Variants in JUP observed in about 807,000 individuals in gnomAD.
JUP encodes junction plakoglobin, also known as catenin (cadherin-associated protein), gamma 80kDa.
Under a neutral mutation model 71.1 loss-of-function variants are expected in JUP, and 28 were observed. That is an observed-to-expected ratio of 0.39 (90% CI 0.29 to 0.54). The LOEUF (loss-of-function observed/expected upper bound fraction) is 0.54, where lower values mean the gene tolerates loss of function less well. Among genes scored for constraint, JUP ranks in the 20% least tolerant of loss-of-function variants. The probability of loss-of-function intolerance (pLI) is 0.62; values close to 1 mark genes in which losing one functional copy is unlikely to be tolerated. For synonymous variants in JUP, 401 were observed against 438.9 expected, an observed-to-expected ratio of 0.91 and a Z score of 1.08; for missense variants, 869 against 1,030.1, an observed-to-expected ratio of 0.84 and a Z score of 2.14.
At chr17:41,757,088 G>A (rs1452090030) in intron 12 of JUP, among the ~76,000 whole-genome samples, 4 of 152,072 alleles carry the variant, frequency 2.6e-5, no homozygotes, top group African/African-American at 9.7e-5. Context: ...CAGCTCAGGG[G>A]AGGAGGCAGA....
chr17:41,784,765 G>A (rs1189928363), intron 1 of JUP, among the ~76,000 whole-genome samples: 2 of 152,032 alleles, frequency 1.3e-5, no homozygotes, highest in Admixed American at 6.6e-5. Context: ...AACAAAGAAA[G>A]AGGTGGTAGA....
intron 8 of JUP, among the ~76,000 whole-genome samples, chr17:41,760,596 C>CT (rs1452787087): frequency 6.6e-6 from 1 of 151,574 alleles, no homozygotes; most frequent in Non-Finnish European, 1.5e-5. Context: ...GAGTCTCTCT[C>CT]TGTCACCCAG....
At position 41,762,207 on chromosome 17, in the gene JUP, T is replaced by G. The variant is rs1453298975; in HGVS notation, c.1497+776A>C. The stretch of plus-strand genomic sequence containing the variant: ...TGTGTGTGTGTGTGTGTGTGTGTGT[T>G]TTAGATTGTTTATTTGTTTGGGCTT... On this transcript the variant is annotated intron_variant, in intron 8 of 13. Transcript: ENST00000393931. Among the ~76,000 whole-genome samples, 344 of 86,462 alleles carry G rather than the reference T, an allele frequency of 4.0e-3. 2 individuals are homozygous for G. Among genetic ancestry groups the G allele is most frequent in the African/African-American group, 0.016 (293 of 18,444 alleles). 56.7% of individuals were successfully genotyped at this position (86,462 alleles called of 152,430 possible).
At chr17:41,776,733 G>A (rs970083710) in intron 1 of JUP, among the ~76,000 whole-genome samples, 5 of 152,138 alleles carry the variant, frequency 3.3e-5, no homozygotes, top group East Asian at 1.9e-4. Flanking sequence ...GGGGCCAGGC[G>A]CGGTGGCTCA....
chr17:41,778,082 G>C (rs1386352804), intron 1 of JUP, among the ~76,000 whole-genome samples: 1 of 152,208 alleles, frequency 6.6e-6, no homozygotes, highest in Non-Finnish European at 1.5e-5. Flanking sequence ...AGTGGGGCTT[G>C]GGCAGCCTGG....
chr17:41,771,171 A>G (rs552432793), intron 2 of JUP, among the ~76,000 whole-genome samples: 4 of 152,318 alleles, frequency 2.6e-5, no homozygotes, highest in Admixed American at 2.0e-4. Context: ...CTGGGACTAC[A>G]GGTGCATGCG....
chr17:41,756,278 G>A, intron 12 of JUP, 64 bp from the exon 13 acceptor site: 1 of 1,524,308 alleles, frequency 6.6e-7, no homozygotes, highest in Middle Eastern at 1.8e-4. Context: ...CTGGATCTCA[G>A]CTGGTGGGCA....
chr17:41,773,970 A>C (rs1237857102), intron 1 of JUP, among the ~76,000 whole-genome samples: 1 of 152,212 alleles, frequency 6.6e-6, no homozygotes, highest in African/African-American at 2.4e-5. Context: ...TGGTCAACAA[A>C]CACACTGCAT....
Position 41,765,234 on chromosome 17 carries a change from C to A in JUP, c.910-167G>T, listed in dbSNP as rs573144853. Among the ~76,000 whole-genome samples the A allele has an allele frequency of 2.0e-5, 3 of 152,214 alleles. No homozygotes were observed. In the South Asian group the frequency reaches 6.2e-4, roughly 32 times the overall value. ...TCTTTTTATAAAGATGGGGGTCTCA[C>A]TATGCTGCCCAGGCTGGTCTAGAAC... is the stretch of plus-strand genomic sequence containing the variant. On this transcript the variant is annotated intron_variant, in intron 5 of 13. Coordinates refer to ENST00000393931, the MANE Select transcript of JUP (RefSeq NM_002230.4).
rs1466198019 is a variant in JUP, at chr17:41,771,679, G to T, written c.176C>A (p.Thr59Asn). ...GGGGGGCACCCCCTGGGTGTAAGTGGTGGTTTTCTTGAGCGTGTACTGGCG... is the reference window on the plus strand; with the variant it reads ...GGGGGGCACCCCCTGGGTGTAAGTGTTGGTTTTCTTGAGCGTGTACTGGCG... ...CGRQYTLKKTTTYTQGVPPSQ... is the reference protein window; with the variant it reads ...CGRQYTLKKTNTYTQGVPPSQ... Residue 59 changes from threonine (T) to asparagine (N), a missense_variant, in exon 2 of 14, where the codon ACC (threonine) becomes AAC (asparagine). Coordinates refer to ENST00000393931, the MANE Select transcript of JUP (RefSeq NM_002230.4). 6.2e-7 allele frequency: 1 copy of T among 1,613,920 alleles called. No individual in the cohort carries two copies. Among genetic ancestry groups the T allele is most frequent in the Non-Finnish European group, 8.5e-7 (1 of 1,180,024 alleles).
rs1057068725 is a variant in JUP at position 41,769,337 on chromosome 17, C to T, written c.468+81G>A. Reference sequence around the variant, plus strand: ...AGTCTGGGTCATAACCTCCCTCCACCCCTACAATGTCCCTCCCCTGAGGAC... The same window carrying T: ...AGTCTGGGTCATAACCTCCCTCCACTCCTACAATGTCCCTCCCCTGAGGAC... On this transcript the variant is annotated intron_variant, in intron 3 of 13. Coordinates refer to ENST00000393931, the MANE Select transcript of JUP (RefSeq NM_002230.4). The T allele has an allele frequency of 2.5e-6, 4 of 1,572,158 alleles. No individual in the cohort carries two copies. In the East Asian group the frequency reaches 6.8e-5, roughly 27 times the overall value.
intron 1 of JUP, among the ~76,000 whole-genome samples, chr17:41,779,587 C>A (rs1214634659): frequency 6.6e-6 from 1 of 152,128 alleles, no homozygotes; most frequent in Non-Finnish European, 1.5e-5. Context: ...CTCGGCCTCC[C>A]AAAGTGCTGG....
intron 1 of JUP, chr17:41,776,107 C>T (rs1555608578): frequency 2.5e-6 from 1 of 399,452 alleles, no homozygotes; most frequent in Non-Finnish European, 3.4e-6. Flanking sequence ...CCCCAGAGGC[C>T]GTGCTGGAAG....
At chr17:41,782,137 C>A (rs2047198602) in intron 1 of JUP, among the ~76,000 whole-genome samples, 1 of 152,170 alleles carries the variant, frequency 6.6e-6, no homozygotes, top group Non-Finnish European at 1.5e-5. Context: ...CAAATCCAGG[C>A]CCATTCTGGT....
At chr17:41,759,677 T>C (rs1914484218) in intron 8 of JUP, among the ~76,000 whole-genome samples, 3 of 152,170 alleles carry the variant, frequency 2.0e-5, no homozygotes, top group Non-Finnish European at 2.9e-5. Flanking sequence ...GGAGCCACTC[T>C]GGCCTCCCAG....
At chr17:41,772,682 A>G (rs1223579135) in intron 1 of JUP, 19 of 449,924 alleles carry the variant, frequency 4.2e-5, no homozygotes, top group Non-Finnish European at 5.3e-5. Context: ...TATCATCAGC[A>G]CTGCCTCTCC....
intron 2 of JUP, 113 bp from the exon 3 acceptor site, chr17:41,769,790 GC>G: frequency 8.2e-7 from 1 of 1,216,370 alleles, no homozygotes; most frequent in Non-Finnish European, 1.1e-6. Context: ...CTCTTGCCCT[GC>G]CCAAACCCCC....
intron 2 of JUP, among the ~76,000 whole-genome samples, chr17:41,771,180 C>A (rs1383534969): frequency 6.6e-6 from 1 of 152,136 alleles, no homozygotes; most frequent in African/African-American, 2.4e-5. Flanking sequence ...CAGGTGCATG[C>A]GCCACCACAC....
intron 1 of JUP, among the ~76,000 whole-genome samples, chr17:41,779,080 CA>C (rs1414045933): frequency 6.8e-6 from 1 of 147,366 alleles, no homozygotes. Flanking sequence ...ACTAAAAATA[CA>C]AAAAACTAGC....
Sources: allele counts gnomAD v4.1 joint callset (sites outside exome capture counted in the v4.1 genomes callset), GRCh38; gene constraint gnomAD v4.1.1; transcripts MANE v1.5; gene names NCBI Gene and HGNC (gene_info 2026-07-23, HGNC 2026-07-21).